The following GPBP1 variants were observed in gnomAD, a reference collection of about 807,000 sequenced individuals.
GPBP1 encodes the protein vasculin.
A neutral mutation model predicts 56.5 loss-of-function variants in GPBP1; 13 were observed. That is an observed-to-expected ratio of 0.23 (90% CI 0.15 to 0.37). The LOEUF (loss-of-function observed/expected upper bound fraction) is 0.37. Among genes scored for constraint, GPBP1 ranks in the 10% least tolerant of loss-of-function variants. GPBP1 has a pLI of 1.00. For missense variants in GPBP1, 477 were observed against 572.3 expected (o/e 0.83, Z 1.70); for synonymous variants, 204 against 188.9 (o/e 1.08, Z -0.66).
chr5:57,189,727 TGCATACTCTATA>T (rs1754438264), intron 2 of GPBP1, among the ~76,000 whole-genome samples: 1 of 152,262 alleles, frequency 6.6e-6, no homozygotes, highest in Non-Finnish European at 1.5e-5. Context: ...AAAAATAGCA[TGCATACTCTATA>T]GCCTGCAAGG....
chr5:57,255,712 A>T (rs1741627161), intron 10 of GPBP1, among the ~76,000 whole-genome samples: 1 of 152,228 alleles, frequency 6.6e-6, no homozygotes, highest in South Asian at 2.1e-4. Context: ...TTAGTAGCAA[A>T]AAAACAGTTG....
intron 2 of GPBP1, among the ~76,000 whole-genome samples, chr5:57,194,293 AGTT>A (rs1361001007): frequency 1.3e-5 from 2 of 152,236 alleles, no homozygotes; most frequent in African/African-American, 2.4e-5. Context: ...GATAATGCCC[AGTT>A]GTTCTCCATA....
At chr5:57,226,729 C>CTTTTTTTTTTTTTTTT (rs70999067) in intron 3 of GPBP1, among the ~76,000 whole-genome samples, 1 of 77,098 alleles carries the variant, frequency 1.3e-5, no homozygotes, top group Admixed American at 1.3e-4. Flanking sequence ...TTTTTGTATT[C>CTTTTTTTTTTTTTTTT]TTTTTTTTTT....
chr5:57,236,973 T>G, intron 6 of GPBP1: 1 of 653,626 alleles, frequency 1.5e-6, no homozygotes. Context: ...CGGGAATTAT[T>G]TTGTTTTCTT....
In GPBP1 at chr5:57,262,577, T is replaced by G. The variant is rs201951700; in HGVS notation, c.1264-17T>G. The stretch of plus-strand genomic sequence containing the variant: ...CTCTTGAGGGATAATTTATTTATTT[T>G]GCTGTTAACATTTTAGTTACAGAAG... On this transcript the variant is annotated splice_polypyrimidine_tract_variant and intron_variant, in intron 11 of 11. Transcript: ENST00000506184. 3.8e-6 allele frequency: 6 copies of G among 1,569,614 alleles called. No homozygotes were observed. The highest frequency in any genetic ancestry group is 5.3e-6 in the Non-Finnish European group (6 of 1,140,366).
chr5:57,253,254 T>TA (rs1317665480), intron 10 of GPBP1, among the ~76,000 whole-genome samples: 2 of 152,244 alleles, frequency 1.3e-5, no homozygotes, highest in Non-Finnish European at 2.9e-5. Context: ...GCAAAGAAAG[T>TA]TAATAGTTTA....
intron 6 of GPBP1, among the ~76,000 whole-genome samples, chr5:57,237,901 C>G (rs1740611382): frequency 6.6e-6 from 1 of 151,364 alleles, no homozygotes; most frequent in African/African-American, 2.4e-5. Flanking sequence ...TGAAAACTGG[C>G]AGACTTAAAC....
chr5:57,208,460 T>C (rs1053271006), intron 2 of GPBP1, among the ~76,000 whole-genome samples: 5 of 152,020 alleles, frequency 3.3e-5, no homozygotes, highest in African/African-American at 1.2e-4. Flanking sequence ...CCTGAGCCAC[T>C]GAGCTCAAGT....
Position 57,251,025 on chromosome 5 carries a change from TGAAAATGAAATTCCTCAAG to T in GPBP1, c.1045_1063del (p.Glu349ArgfsTer7). Reference sequence around the variant, plus strand: ...AAAGGGATATAAACCGAAACTTCGATGAAAATGAAATTCCTCAAGAGAATGGCAATGCCTCAGTGATTTC... The same window carrying T: ...AAAGGGATATAAACCGAAACTTCGATAGAATGGCAATGCCTCAGTGATTTC... On this transcript the variant is annotated frameshift_variant, in exon 10 of 12. Coordinates refer to ENST00000506184, the MANE Select transcript of GPBP1 (RefSeq NM_022913.4). LOFTEE classifies it high-confidence loss of function. The T allele has an allele frequency of 6.2e-7, 1 of 1,613,206 alleles. No individual in the cohort carries two copies. The highest frequency in any genetic ancestry group is 8.5e-7 in the Non-Finnish European group (1 of 1,179,638).
At chr5:57,244,162 C>G (rs1740973748) in intron 6 of GPBP1, among the ~76,000 whole-genome samples, 1 of 152,190 alleles carries the variant, frequency 6.6e-6, no homozygotes, top group Admixed American at 6.5e-5. Flanking sequence ...TCTACCATAT[C>G]TGGCATTTTC....
chr5:57,191,859 T>G (rs1754541163), intron 2 of GPBP1, among the ~76,000 whole-genome samples: 1 of 152,032 alleles, frequency 6.6e-6, no homozygotes, highest in Non-Finnish European at 1.5e-5. Flanking sequence ...CACGCCGGCC[T>G]GTCTAGGTTT....
intron 2 of GPBP1, among the ~76,000 whole-genome samples, chr5:57,191,009 C>T (rs1394412264): frequency 1.3e-5 from 2 of 152,038 alleles, no homozygotes; most frequent in African/African-American, 4.8e-5. Context: ...CTCTGGGGTT[C>T]AAGTGATCTG....
At chr5:57,239,164 T>TTA (rs1160056840) in intron 6 of GPBP1, among the ~76,000 whole-genome samples, 3 of 152,330 alleles carry the variant, frequency 2.0e-5, no homozygotes, top group African/African-American at 7.2e-5. Flanking sequence ...GTTGTTGAAA[T>TTA]TATAGTGTTT....
intron 2 of GPBP1, among the ~76,000 whole-genome samples, chr5:57,176,843 A>C (rs1753807628): frequency 6.6e-6 from 1 of 152,210 alleles, no homozygotes; most frequent in Non-Finnish European, 1.5e-5. Context: ...TTCCAAATGC[A>C]GTTTAGTGTT....
chr5:57,193,930 A>G (rs940760480), intron 2 of GPBP1, among the ~76,000 whole-genome samples: 4 of 151,912 alleles, frequency 2.6e-5, no homozygotes, highest in African/African-American at 9.7e-5. Context: ...CACCCCTTTA[A>G]TCCTGTTTCT....
intron 8 of GPBP1, chr5:57,249,077 C>A (rs575280969): frequency 5.7e-6 from 1 of 176,452 alleles, no homozygotes; most frequent in African/African-American, 2.4e-5. Context: ...AACTCTAGAA[C>A]TCTGTGTAAC....
intron 6 of GPBP1, among the ~76,000 whole-genome samples, chr5:57,238,846 CA>C (rs1740671830): frequency 6.6e-6 from 1 of 152,148 alleles, no homozygotes; most frequent in Admixed American, 6.5e-5. Flanking sequence ...CATAAAGGTT[CA>C]TTGCTCAGAG....
intron 2 of GPBP1, among the ~76,000 whole-genome samples, chr5:57,195,945 GTGAGC>G (rs1400701679): frequency 1.6e-5 from 2 of 122,722 alleles, no homozygotes; most frequent in Non-Finnish European, 3.2e-5. Context: ...GGAGATTGTA[GTGAGC>G]TGAGATCGTG....
Position 57,214,075 on chromosome 5 carries a change from G to T in GPBP1, c.-56G>T. 2 of 1,413,212 alleles carry T rather than the reference G, an allele frequency of 1.4e-6. No homozygotes were observed. Among genetic ancestry groups the T allele is most frequent in the Non-Finnish European group, 2.0e-6 (2 of 998,138 alleles). 87.5% of individuals were successfully genotyped at this position (1,413,212 alleles called of 1,614,324 possible). On this transcript the variant is annotated splice_region_variant and 5_prime_UTR_variant, in exon 3 of 12. Transcript: ENST00000506184. ...ATTCCTTCCATTTTTATGTGACAGGGACTTGCCATGAGGTGTTGAAGCCTT... is the reference window on the plus strand; with the variant it reads ...ATTCCTTCCATTTTTATGTGACAGGTACTTGCCATGAGGTGTTGAAGCCTT...
Sources: gnomAD v4.1 joint callset for allele counts (sites outside exome capture counted in the v4.1 genomes callset) on GRCh38, gnomAD v4.1.1 for gene constraint, MANE v1.5 for transcripts, NCBI Gene and HGNC (gene_info 2026-07-23, HGNC 2026-07-21) for gene names.